Variants in ITGAX observed in about 807,000 individuals in gnomAD.
ITGAX encodes integrin alpha-X.
In ITGAX, 99 loss-of-function variants were observed where a neutral mutation model predicts 140.2. The ratio of observed to expected loss-of-function variants is 0.71; its 90% confidence interval spans 0.60 to 0.83. ITGAX has a LOEUF of 0.83. Ranked by LOEUF, ITGAX falls within the 40% of genes least tolerant of loss-of-function variation. The pLI, the probability that ITGAX is intolerant of heterozygous loss-of-function variation, is 0.00. For missense variants in ITGAX, 1,444 were observed against 1,482.0 expected, an observed-to-expected ratio of 0.97 and a Z score of 0.42; for synonymous variants, 631 against 600.4, an observed-to-expected ratio of 1.05 and a Z score of -0.75.
chr16:31,373,533 C>A (rs1357333895), intron 20 of ITGAX, 143 bp downstream of exon 20: 1 of 812,880 alleles, frequency 1.2e-6, no homozygotes, highest in Non-Finnish European at 1.8e-6. Context: ...CTTTGGGCAT[C>A]GCAGTTTAAG....
intron 20 of ITGAX, among the ~76,000 whole-genome samples, chr16:31,374,783 T>C (rs2081004382): frequency 6.6e-6 from 1 of 152,186 alleles, no homozygotes; most frequent in East Asian, 1.9e-4. Context: ...TGGGGGTCAT[T>C]GTACTCCTCC....
chr16:31,380,712 T>C (rs2081061393), intron 28 of ITGAX, 88 bp downstream of exon 28: 2 of 1,539,314 alleles, frequency 1.3e-6, no homozygotes, highest in African/African-American at 1.4e-5. Context: ...TTTGCAAGCC[T>C]TGGGGGAGGA....
rs1480751621 is a variant in ITGAX at position 31,380,523 on chromosome 16, A to T, written c.3175A>T (p.Ile1059Leu). 3.1e-6 allele frequency: 5 copies of T among 1,614,234 alleles called. No homozygotes were observed. Among genetic ancestry groups the T allele is most frequent in the Non-Finnish European group, 4.2e-6 (5 of 1,180,038 alleles). The change falls in exon 28 of 30, where the codon ATA (isoleucine) becomes TTA (leucine). Residue 1059 changes from isoleucine to leucine, a missense_variant and splice_region_variant. Transcript: ENST00000268296. ...GNLSFGWVRQ[I>L]LQKKVSVVSV... ...CAGGTTTCCCCCAACCCCTTTGCAG[A>T]TATTGCAGAAGAAGGTGTCGGTCGT...
chr16:31,382,703 C>A lies in ITGAX; in HGVS notation c.*796C>A, dbSNP rs1367499001. 3.5e-6 allele frequency: 2 copies of A among 564,462 alleles called. No homozygotes were observed. Among genetic ancestry groups the A allele is most frequent in the Admixed American group, 3.0e-5 (1 of 33,050 alleles). 35.0% of individuals were successfully genotyped at this position (564,462 alleles called of 1,614,324 possible). ...AGATGCCTGCATGCTGGGTTCTGCA[C>A]AGCTGGCCTCCCGCGTTGGGCAACA... is the stretch of plus-strand genomic sequence containing the variant. On this transcript the variant is annotated 3_prime_UTR_variant, in exon 30 of 30. Transcript: ENST00000268296.
In ITGAX at chr16:31,371,633, A is replaced by G; in HGVS notation, c.2009A>G (p.Asp670Gly). Residue 670 changes from aspartate to glycine, a missense_variant, in exon 17 of 30, where the codon GAC becomes GGC. Physicochemically the swap from Asp to Gly is moderately conservative, Grantham distance 94. Transcript: ENST00000268296. ...KRSKNLLGSRDLQSSVTLDLA... is the reference protein window; with the variant it reads ...KRSKNLLGSRGLQSSVTLDLA... ...CCGTCCCTGCGACCGCCTACAGGTG[A>G]CCTCCAAAGCTCTGTGACCTTGGAC... is the stretch of plus-strand genomic sequence containing the variant. 1 of 1,613,968 alleles carries G rather than the reference A, an allele frequency of 6.2e-7. No individual in the cohort carries two copies. The highest frequency in any genetic ancestry group is 8.5e-7 in the Non-Finnish European group (1 of 1,179,984).
chr16:31,367,695 G>A (rs1597072816), intron 14 of ITGAX, among the ~76,000 whole-genome samples: 1 of 152,210 alleles, frequency 6.6e-6, no homozygotes, highest in South Asian at 2.1e-4. Flanking sequence ...GAGCTCTGAT[G>A]GAGATGTTCA....
In ITGAX at chr16:31,382,438, A is replaced by C. The variant is rs1312693281; in HGVS notation, c.*531A>C. On this transcript the variant is annotated 3_prime_UTR_variant, in exon 30 of 30. Coordinates refer to ENST00000268296, the MANE Select transcript of ITGAX (RefSeq NM_000887.5). ...ATCTTTCTAAAATACAGTTCTGAAT[A>C]TGCTGCTCATCCCCACCTGTCTTCA... is the stretch of plus-strand genomic sequence containing the variant. 3 of 1,535,196 alleles carry C rather than the reference A, an allele frequency of 2.0e-6. No homozygotes were observed.
intron 28 of ITGAX, 44 bp from the exon 29 acceptor site, chr16:31,380,853 A>G: frequency 6.5e-7 from 1 of 1,537,508 alleles, no homozygotes; most frequent in Non-Finnish European, 9.0e-7. Flanking sequence ...AGTCTGGGAT[A>G]GTAGGAGGAT....
intron 5 of ITGAX, among the ~76,000 whole-genome samples, chr16:31,359,030 G>A (rs2080792291): frequency 6.6e-6 from 1 of 151,882 alleles, no homozygotes; most frequent in Non-Finnish European, 1.5e-5. Context: ...ATGCTGTCCA[G>A]GCTGATCTTG....
In ITGAX at chr16:31,357,291, C is replaced by T. The variant is rs754027414; in HGVS notation, c.357C>T (p.Asn119=). 78 of 1,608,720 alleles carry T rather than the reference C, an allele frequency of 4.8e-5. 1 individual carries two copies. The South Asian group carries it at 7.8e-4, about 16-fold the overall frequency. The change falls in exon 5 of 30, where the codon AAC becomes AAT. Residue 119 remains asparagine (N), a synonymous_variant. Transcript: ENST00000268296. The part of the protein sequence containing the change: ...GPTVHHECGR[N]MYLTGLCFLL... ...CCGTGCACCACGAGTGCGGGAGGAACATGTACCTCACCGGACTCTGCTTCC... is the reference window on the plus strand; with the variant it reads ...CCGTGCACCACGAGTGCGGGAGGAATATGTACCTCACCGGACTCTGCTTCC...
chr16:31,355,405 T>A, intron 1 of ITGAX, 114 bp downstream of exon 1: 1 of 1,167,008 alleles, frequency 8.6e-7, no homozygotes, highest in Non-Finnish European at 1.2e-6. Context: ...AGAGACTCAG[T>A]CAAGCCTGAG....
rs774506242 is a variant in ITGAX at position 31,372,593 on chromosome 16, G to A, written c.2293-4G>A. On this transcript the variant is annotated splice_polypyrimidine_tract_variant and splice_region_variant and intron_variant, in intron 18 of 29. Coordinates refer to ENST00000268296, the MANE Select transcript of ITGAX (RefSeq NM_000887.5). ...AGAAAACCCCCCGTTGCCTTCCCAC[G>A]CAGCTACCCTTTGAGAAGAACTGTG... 2.0e-5 allele frequency: 33 copies of A among 1,613,942 alleles called. No individual in the cohort carries two copies. The highest frequency in any genetic ancestry group is 4.0e-5 in the African/African-American group (3 of 74,902).
At chr16:31,375,283 T>C (rs985692387) in intron 20 of ITGAX, among the ~76,000 whole-genome samples, 1 of 152,208 alleles carries the variant, frequency 6.6e-6, no homozygotes, top group African/African-American at 2.4e-5. Context: ...CCCAAAGTAC[T>C]AGGATTACAG....
chr16:31,380,580 G>C lies in ITGAX; in HGVS notation c.3232G>C (p.Val1078Leu). The part of the protein sequence containing the change: ...SVAEITFDTS[V>L]YSQLPGQEAF... Reference sequence around the variant, plus strand: ...GGCTGAAATTACGTTCGACACATCCGTGTACTCCCAGCTTCCAGGACAGGA... The same window carrying C: ...GGCTGAAATTACGTTCGACACATCCCTGTACTCCCAGCTTCCAGGACAGGA... Residue 1078 changes from valine to leucine, a missense_variant, in exon 28 of 30, where the codon GTG (valine) becomes CTG (leucine). By Grantham distance (32) the Val-to-Leu change is conservative (BLOSUM62 1). Coordinates refer to ENST00000268296, the MANE Select transcript of ITGAX (RefSeq NM_000887.5). 6.2e-7 allele frequency: 1 copy of C among 1,614,244 alleles called. No homozygotes were observed. The highest frequency in any genetic ancestry group is 1.1e-5 in the South Asian group (1 of 91,080).
chr16:31,377,363 T>A, intron 23 of ITGAX, 98 bp downstream of exon 23: 1 of 942,464 alleles, frequency 1.1e-6, no homozygotes, highest in Non-Finnish European at 1.6e-6. Flanking sequence ...GAGGGTGAGA[T>A]AAGGTGTTTG....
chr16:31,361,739 T>C, intron 9 of ITGAX, 97 bp from the exon 10 acceptor site: 1 of 1,290,558 alleles, frequency 7.7e-7, no homozygotes, highest in Non-Finnish European at 1.1e-6. Context: ...GCTCTCCCTG[T>C]AGCCTCCAGT....
intron 8 of ITGAX, 55 bp downstream of exon 8, chr16:31,360,518 C>A: frequency 6.7e-7 from 1 of 1,485,928 alleles, no homozygotes. Flanking sequence ...AGGGCAACTC[C>A]CCTTTCTGTG....
chr16:31,378,674 G>T (rs903752230), intron 23 of ITGAX, among the ~76,000 whole-genome samples: 1 of 151,982 alleles, frequency 6.6e-6, no homozygotes, highest in Non-Finnish European at 1.5e-5. Flanking sequence ...GTCTTGCTAT[G>T]TTGCCCAGGC....
At chr16:31,357,865 A>ACG (rs2080780624) in intron 5 of ITGAX, 3 of 300,556 alleles carry the variant, frequency 1.0e-5, no homozygotes, top group East Asian at 5.1e-5. Flanking sequence ...ACATGTGCAC[A>ACG]TGCACACATG....
Sources: gnomAD v4.1 joint callset for allele counts (sites outside exome capture counted in the v4.1 genomes callset) on GRCh38, gnomAD v4.1.1 for gene constraint, MANE v1.5 for transcripts, NCBI Gene and HGNC (gene_info 2026-07-23, HGNC 2026-07-21) for gene names.